Variants in RBFOX1 observed in about 807,000 individuals in gnomAD.
RBFOX1 encodes the protein RNA binding fox-1 homolog 1.
RBFOX1 carries 8 observed loss-of-function variants against 57.7 expected under a neutral mutation model. The ratio of observed to expected loss-of-function variants is 0.14; its 90% CI spans 0.08 to 0.25. RBFOX1 has a LOEUF of 0.25. Ranked by LOEUF, RBFOX1 falls within the 10% of genes least tolerant of loss-of-function variation. The pLI, the probability that RBFOX1 is intolerant of heterozygous loss-of-function variation, is 1.00. For synonymous variants in RBFOX1, 326 were observed against 222.4 expected, an observed-to-expected ratio of 1.47 and a Z score of -4.15; for missense variants, 611 against 548.5, an observed-to-expected ratio of 1.11 and a Z score of -1.14.
chr16:5,583,264 A>C (rs369235720), intron 2 of RBFOX1, among the ~76,000 whole-genome samples: 2 of 152,182 alleles, frequency 1.3e-5, no homozygotes, highest in Non-Finnish European at 2.9e-5. Context: ...AGGACTCCAT[A>C]CTTCTATATT....
At chr16:7,115,943 T>A (rs1043106355) in intron 4 of RBFOX1, among the ~76,000 whole-genome samples, 1 of 152,150 alleles carries the variant, frequency 6.6e-6, no homozygotes, top group African/African-American at 2.4e-5. Flanking sequence ...GGGGGCTTCA[T>A]ATTGTATCAG....
intron 3 of RBFOX1, among the ~76,000 whole-genome samples, chr16:6,843,223 CTT>C (rs1248801053): frequency 2.0e-5 from 3 of 151,980 alleles, no homozygotes; most frequent in Non-Finnish European, 2.9e-5. Context: ...GTGAAAATCT[CTT>C]TATTTCTGTG....
chr16:7,593,371 C>T (rs1162514236), intron 7 of RBFOX1, among the ~76,000 whole-genome samples: 1 of 152,126 alleles, frequency 6.6e-6, no homozygotes, highest in Non-Finnish European at 1.5e-5. Context: ...TAAATTCTCT[C>T]TTTTTTCCCT....
chr16:7,287,227 C>G (rs988597110), intron 4 of RBFOX1, among the ~76,000 whole-genome samples: 2 of 152,104 alleles, frequency 1.3e-5, no homozygotes, highest in African/African-American at 4.8e-5. Flanking sequence ...GTACAAAGAG[C>G]TAGTAAAGAC....
intron 3 of RBFOX1, among the ~76,000 whole-genome samples, chr16:6,906,344 T>C (rs1476516712): frequency 6.6e-6 from 1 of 152,096 alleles, no homozygotes; most frequent in Non-Finnish European, 1.5e-5. Flanking sequence ...AGGCACTACC[T>C]AATGATTGTT....
rs114507606 is a variant in RBFOX1 at position 6,953,278 on chromosome 16, G to C, written c.-15-98779G>C. On this transcript the variant is annotated intron_variant, in intron 3 of 15. Transcript: ENST00000550418. ...AACCTTAAGTTCAAACATATACACC[G>C]AAATAAGGCAGAACTACTCTGAAAC... Among the ~76,000 whole-genome samples the C allele has an allele frequency of 8.7e-3, 1,326 of 152,096 alleles. 20 individuals carry two copies. Among genetic ancestry groups the C allele is most frequent in the African/African-American group, 0.031 (1,271 of 41,478 alleles).
At chr16:6,363,240 C>T (rs992292370) in intron 2 of RBFOX1, among the ~76,000 whole-genome samples, 5 of 152,070 alleles carry the variant, frequency 3.3e-5, no homozygotes, top group South Asian at 2.1e-4. Flanking sequence ...TGTGGCCTTC[C>T]GTTGTGTAGT....
intron 3 of RBFOX1, among the ~76,000 whole-genome samples, chr16:5,788,281 G>T (rs1313051156): frequency 6.6e-6 from 1 of 152,162 alleles, no homozygotes; most frequent in African/African-American, 2.4e-5. Flanking sequence ...TTTTTAAATT[G>T]TATTAACTGC....
intron 2 of RBFOX1, among the ~76,000 whole-genome samples, chr16:5,540,603 G>A (rs886175741): frequency 1.3e-5 from 2 of 152,180 alleles, no homozygotes; most frequent in African/African-American, 4.8e-5. Context: ...CTCATGAACT[G>A]CCTGTGTCAG....
intron 3 of RBFOX1, among the ~76,000 whole-genome samples, chr16:6,984,278 C>T (rs1458435316): frequency 6.6e-6 from 1 of 152,022 alleles, no homozygotes; most frequent in Non-Finnish European, 1.5e-5. Context: ...CTGGATCCTC[C>T]TGTACTACCT....
At chr16:5,779,808 G>A (rs1271061459) in intron 3 of RBFOX1, among the ~76,000 whole-genome samples, 1 of 152,164 alleles carries the variant, frequency 6.6e-6, no homozygotes, top group African/African-American at 2.4e-5. Context: ...TCTTGTCTAA[G>A]TTCAAACCCT....
At chr16:7,312,554 G>C (rs1403693537) in intron 4 of RBFOX1, among the ~76,000 whole-genome samples, 1 of 152,146 alleles carries the variant, frequency 6.6e-6, no homozygotes, top group African/African-American at 2.4e-5. Flanking sequence ...TGTCACTCCG[G>C]GTCTTCTTGG....
intron 3 of RBFOX1, among the ~76,000 whole-genome samples, chr16:6,728,137 T>C (rs1307730383): frequency 6.6e-6 from 1 of 152,236 alleles, no homozygotes; most frequent in Non-Finnish European, 1.5e-5. Flanking sequence ...GTTTTGACTT[T>C]TGTTTTCATA....
At chr16:7,374,381 T>A (rs1185588409) in intron 4 of RBFOX1, among the ~76,000 whole-genome samples, 2 of 152,208 alleles carry the variant, frequency 1.3e-5, no homozygotes, top group East Asian at 3.9e-4. Flanking sequence ...AGCATTCCCC[T>A]CAAATGAATG....
At chr16:6,616,446 G>T (rs933451282) in intron 2 of RBFOX1, among the ~76,000 whole-genome samples, 8 of 152,034 alleles carry the variant, frequency 5.3e-5, no homozygotes. Flanking sequence ...GGAGGCCGAG[G>T]CGGGTGGATC....
intron 1 of RBFOX1, among the ~76,000 whole-genome samples, chr16:6,058,785 CAACT>C (rs1036767077): frequency 6.6e-5 from 10 of 152,018 alleles, no homozygotes; most frequent in African/African-American, 1.4e-4. Context: ...ACCCACCCAC[CAACT>C]AATTATTTAC....
intron 4 of RBFOX1, among the ~76,000 whole-genome samples, chr16:7,310,066 A>G (rs1445394126): frequency 3.3e-5 from 5 of 152,180 alleles, no homozygotes; most frequent in Admixed American, 6.6e-5. Context: ...ACCCAGCCCT[A>G]TTGAGGGCGG....
rs144043159 is a variant in RBFOX1 at position 5,974,159 on chromosome 16, C to T, written c.351+106824C>T. On this transcript the variant is annotated intron_variant, in intron 4 of 19. Coordinates refer to the RBFOX1 transcript ENST00000641259. ...TGTTCTCTATATGGCCGTTGTTCTA[C>T]CTCGGATGCACAGCAGGCAATGCCA... Among the ~76,000 whole-genome samples, 510 of 152,260 alleles carry T rather than the reference C, an allele frequency of 3.3e-3. 3 individuals are homozygous for T. The highest frequency in any genetic ancestry group is 0.011 in the African/African-American group (460 of 41,528).
At chr16:6,601,594 T>A (rs2097853930) in intron 2 of RBFOX1, among the ~76,000 whole-genome samples, 1 of 152,152 alleles carries the variant, frequency 6.6e-6, no homozygotes, top group South Asian at 2.1e-4. Context: ...AGGACCACTG[T>A]TCCTCCATCC....
Sources: gnomAD v4.1 joint callset for allele counts (sites outside exome capture counted in the v4.1 genomes callset) on GRCh38, gnomAD v4.1.1 for gene constraint, MANE v1.5 for transcripts, NCBI Gene and HGNC (gene_info 2026-07-23, HGNC 2026-07-21) for gene names.